PRR7: variants seen among roughly 807,000 people sequenced by gnomAD.
PRR7 encodes the protein proline-rich protein 7.
In PRR7, 8 loss-of-function variants were observed where a neutral mutation model predicts 18.5. The observed-to-expected ratio is 0.43, with a 90% CI of 0.25 to 0.78. The LOEUF (loss-of-function observed/expected upper bound fraction) is 0.78, where lower values mean the gene tolerates loss of function less well. Ranked by LOEUF, PRR7 falls within the 30% of genes least tolerant of loss-of-function variation. The pLI, the probability that PRR7 is intolerant of heterozygous loss-of-function variation, is 0.22. For synonymous variants in PRR7, 221 were observed against 187.7 expected (o/e 1.18, Z -1.45); for missense variants, 396 against 403.1 (o/e 0.98, Z 0.15).
Position 177,454,667 on chromosome 5 carries a change from C to T in PRR7, c.-239-162C>T, listed in dbSNP as rs1237337705. 2.6e-5 allele frequency among the ~76,000 whole-genome samples: 4 copies of T among 151,662 alleles called. No individual in the cohort carries two copies. Among genetic ancestry groups the T allele is most frequent in the Non-Finnish European group, 5.9e-5 (4 of 67,778 alleles). On this transcript the variant is annotated intron_variant, in intron 2 of 3. Transcript: ENST00000323249. The surrounding 1 kb of genome is among the most constrained non-coding windows in gnomAD (Gnocchi z 4.7). ...CGGGGAAACCCTACCGGGGAAACCTCGAGGCGTGACGTCACCCTCCTCGGT... is the reference window on the plus strand; with the variant it reads ...CGGGGAAACCCTACCGGGGAAACCTTGAGGCGTGACGTCACCCTCCTCGGT...
intron 1 of PRR7, 110 bp downstream of exon 1, chr5:177,447,070 C>G (rs1437586469): frequency 6.6e-6 from 1 of 151,594 alleles, no homozygotes; most frequent in East Asian, 2.0e-4. Flanking sequence ...CCCGGGTCGC[C>G]GCCCCGGTCC....
At position 177,456,147 on chromosome 5, in the gene PRR7, AC is replaced by A; in HGVS notation, c.*28del. On this transcript the variant is annotated 3_prime_UTR_variant, in exon 4 of 4. Transcript: ENST00000323249. ...AGGGGCGCCCGGCGCCCCGGGCCCC[AC>A]CGGCGGACTCCTGGCCTGACTGCGG... 1 of 1,384,990 alleles carries A rather than the reference AC, an allele frequency of 7.2e-7. No homozygotes were observed. The highest frequency in any genetic ancestry group is 9.3e-7 in the Non-Finnish European group (1 of 1,072,956). 85.8% of individuals were successfully genotyped at this position (1,384,990 alleles called of 1,614,324 possible). A position where few individuals can be genotyped will look rare whatever the true frequency, so the allele number is the denominator to read the frequency against.
Position 177,456,239 on chromosome 5 carries a change from T to C in PRR7, c.*118T>C. On this transcript the variant is annotated 3_prime_UTR_variant, in exon 4 of 4. Transcript: ENST00000323249. Reference sequence around the variant, plus strand: ...GGGAGGGAGGGATTTCTTATCCCGTTTGTTACATTTTGAGGATAATAAAGG... The same window carrying C: ...GGGAGGGAGGGATTTCTTATCCCGTCTGTTACATTTTGAGGATAATAAAGG... 1 of 1,006,694 alleles carries C rather than the reference T, an allele frequency of 9.9e-7. No individual in the cohort carries two copies. 62.4% of individuals were successfully genotyped at this position (1,006,694 alleles called of 1,614,324 possible). A position where few individuals can be genotyped will look rare whatever the true frequency, so the allele number is the denominator to read the frequency against.
Position 177,455,478 on chromosome 5 carries a change from G to A in PRR7, c.411G>A (p.Trp137Ter). Residue 137 changes from tryptophan (W) to a stop codon, truncating the protein, a stop_gained, in exon 3 of 4, where the codon TGG (tryptophan) becomes TGA (stop). Coordinates refer to ENST00000323249, the MANE Select transcript of PRR7 (RefSeq NM_030567.5). LOFTEE classifies it high-confidence loss of function. The surrounding 1 kb of genome is among the most constrained non-coding windows in gnomAD (Gnocchi z 6.9). ...PTHLSVPPRP[W>*]SYPRQAESDM... ...ACCTGTCGGTGCCGCCACGGCCCTG[G>A]AGCTACCCGCGCCAAGGTGAGTACC... 1 of 1,501,086 alleles carries A rather than the reference G, an allele frequency of 6.7e-7. No individual in the cohort carries two copies. Among genetic ancestry groups the A allele is most frequent in the Non-Finnish European group, 8.8e-7 (1 of 1,134,712 alleles). The allele number at this position is 1,501,086 out of a possible 1,614,324, so 93.0% of individuals were successfully genotyped here.
chr5:177,455,915 G>A lies in PRR7; in HGVS notation c.619G>A (p.Asp207Asn). Reference sequence around the variant, plus strand: ...TCCCAGCTACAAGCCGCTCTTCCTGGACCGGGGCTACACCTCGGCGCTGCA... The same window carrying A: ...TCCCAGCTACAAGCCGCTCTTCCTGAACCGGGGCTACACCTCGGCGCTGCA... ...PPPSYKPLFL[D>N]RGYTSALHLP... The change falls in exon 4 of 4, where the codon GAC becomes AAC. Residue 207 changes from aspartate (D) to asparagine (N), a missense_variant. Coordinates refer to ENST00000323249, the MANE Select transcript of PRR7 (RefSeq NM_030567.5). The surrounding 1 kb of genome is among the most constrained non-coding windows in gnomAD (Gnocchi z 6.9). 1 of 1,608,368 alleles carries A rather than the reference G, an allele frequency of 6.2e-7. No homozygotes were observed. The highest frequency in any genetic ancestry group is 8.5e-7 in the Non-Finnish European group (1 of 1,179,172).
In PRR7 at chr5:177,455,203, C is replaced by T; in HGVS notation, c.136C>T (p.Leu46=). The T allele has an allele frequency of 6.4e-7, 1 of 1,571,936 alleles. No individual in the cohort carries two copies. Residue 46 remains leucine (L), a synonymous_variant, in exon 3 of 4, where the codon CTG becomes TTG. Coordinates refer to ENST00000323249, the MANE Select transcript of PRR7 (RefSeq NM_030567.5). This position sits in a 1 kb window ranked among gnomAD's most constrained non-coding sequence, Gnocchi z 6.9. ...RRLKRRQEER[L]REQNLRALEL... Reference sequence around the variant, plus strand: ...CCTCAAACGGCGCCAGGAGGAGCGACTGCGCGAGCAGAACCTGCGCGCCCT... The same window carrying T: ...CCTCAAACGGCGCCAGGAGGAGCGATTGCGCGAGCAGAACCTGCGCGCCCT...
intron 1 of PRR7, among the ~76,000 whole-genome samples, chr5:177,453,060 C>T (rs1014016865): frequency 5.9e-5 from 9 of 152,234 alleles, no homozygotes; most frequent in African/African-American, 1.9e-4. Flanking sequence ...CCCTTCTGAG[C>T]TGTGTGACCT....
In PRR7 at chr5:177,450,406, C is replaced by T. The variant is rs150555484; in HGVS notation, c.-325+3446C>T. Among the ~76,000 whole-genome samples the T allele has an allele frequency of 6.6e-6, 1 of 152,312 alleles. No homozygotes were observed. The highest frequency in any genetic ancestry group is 1.5e-5 in the Non-Finnish European group (1 of 68,030). The stretch of plus-strand genomic sequence containing the variant: ...TCCACTTGCTTATGAACTGCCCTGC[C>T]AGGCGGGGGCTGGGTGATGGCTCTT... On this transcript the variant is annotated intron_variant, in intron 1 of 3. Transcript: ENST00000323249. This position sits in a 1 kb window ranked among gnomAD's most constrained non-coding sequence, Gnocchi z 6.6.
At chr5:177,452,031 C>T (rs1020475525) in intron 1 of PRR7, among the ~76,000 whole-genome samples, 2 of 152,228 alleles carry the variant, frequency 1.3e-5, no homozygotes, top group African/African-American at 2.4e-5. Context: ...CCCTGCCGTG[C>T]TCCCAGTGAG....
intron 1 of PRR7, 112 bp from the exon 2 acceptor site, chr5:177,453,844 C>T (rs1756268094): frequency 6.6e-6 from 1 of 152,282 alleles, no homozygotes; most frequent in Non-Finnish European, 1.5e-5. Context: ...TCGTTCAAAC[C>T]TGTGTGTATA....
chr5:177,456,082 G>T lies in PRR7; in HGVS notation c.786G>T (p.Pro262=). 4 of 1,567,270 alleles carry T rather than the reference G, an allele frequency of 2.6e-6. No homozygotes were observed. In the South Asian group the frequency reaches 3.5e-5, roughly 14 times the overall value. The change falls in exon 4 of 4, where the codon CCG becomes CCT. Residue 262 remains proline, a synonymous_variant. Coordinates refer to ENST00000323249, the MANE Select transcript of PRR7 (RefSeq NM_030567.5). The stretch of plus-strand genomic sequence containing the variant: ...TGGAGCACGGAGCTTGGCGTCTGCC[G>T]GTCTCCATCCCCTTGTTCGGGAGGA... The part of the protein sequence containing the change: ...EPLEHGAWRL[P]VSIPLFGRTT...
chr5:177,453,574 C>A (rs1756256101), intron 1 of PRR7, among the ~76,000 whole-genome samples: 1 of 152,158 alleles, frequency 6.6e-6, no homozygotes, highest in African/African-American at 2.4e-5. Flanking sequence ...GGCTTCCCCC[C>A]AGCCTGGGGC....
rs1756128034 is a variant in PRR7 at position 177,450,423 on chromosome 5, A to G, written c.-325+3463A>G. 6.6e-6 allele frequency among the ~76,000 whole-genome samples: 1 copy of G among 152,156 alleles called. No individual in the cohort carries two copies. The highest frequency in any genetic ancestry group is 2.4e-5 in the African/African-American group (1 of 41,432). ...TGCCCTGCCAGGCGGGGGCTGGGTG[A>G]TGGCTCTTCTCTGAGTGACGTTTTG... is the stretch of plus-strand genomic sequence containing the variant. On this transcript the variant is annotated intron_variant, in intron 1 of 3. Transcript: ENST00000323249. This position sits in a 1 kb window ranked among gnomAD's most constrained non-coding sequence, Gnocchi z 6.6.
intron 1 of PRR7, among the ~76,000 whole-genome samples, chr5:177,447,924 T>A (rs181972378): frequency 1.3e-5 from 2 of 152,296 alleles, no homozygotes; most frequent in African/African-American, 4.8e-5. Context: ...GCATGCAGGT[T>A]GGCCGGCAGG....
chr5:177,448,139 A>G (rs574118807), intron 1 of PRR7, among the ~76,000 whole-genome samples: 17 of 152,344 alleles, frequency 1.1e-4, no homozygotes, highest in African/African-American at 4.1e-4. Context: ...CTTCAGATCC[A>G]GGATCCCAGC....
chr5:177,455,103 G>C lies in PRR7; in HGVS notation c.36G>C (p.Thr12=), dbSNP rs1430972880. The C allele has an allele frequency of 3.3e-6, 5 of 1,510,110 alleles. No homozygotes were observed. The African/African-American group carries it at 5.8e-5, about 18-fold the overall frequency. 93.5% of individuals were successfully genotyped at this position (1,510,110 alleles called of 1,614,324 possible). A position where few individuals can be genotyped will look rare whatever the true frequency, so the allele number is the denominator to read the frequency against. The part of the protein sequence containing the change: ...VMSQGTYTFL[T]CFAGFWLIWG... ...CCCAGGGCACCTACACGTTCCTCAC[G>C]TGCTTCGCCGGCTTCTGGCTCATCT... The change falls in exon 3 of 4, where the codon ACG becomes ACC. Residue 12 remains threonine (T), a synonymous_variant. Transcript: ENST00000323249. This position sits in a 1 kb window ranked among gnomAD's most constrained non-coding sequence, Gnocchi z 6.9.
In PRR7 at chr5:177,455,337, G is replaced by A. The variant is rs1756359865; in HGVS notation, c.270G>A (p.Ala90=). 2.7e-6 allele frequency: 4 copies of A among 1,488,272 alleles called. 1 individual carries two copies. The South Asian group carries it at 5.1e-5, about 19-fold the overall frequency. 92.2% of individuals were successfully genotyped at this position (1,488,272 alleles called of 1,614,324 possible). ...GCCGCCTGGAGGCGCCGGCTCACGC[G>A]CACTCGCATCCGCACGTGCACGTGC... ...HRSRLEAPAH[A]HSHPHVHVHP... Residue 90 remains alanine (A), a synonymous_variant, in exon 3 of 4, where the codon GCG becomes GCA. Coordinates refer to ENST00000323249, the MANE Select transcript of PRR7 (RefSeq NM_030567.5). The surrounding 1 kb of genome is among the most constrained non-coding windows in gnomAD (Gnocchi z 6.9).
rs1213770935 is a variant in PRR7, at chr5:177,454,729, C to T, written c.-239-100C>T. 6.3e-6 allele frequency: 1 copy of T among 159,136 alleles called. No homozygotes were observed. The highest frequency in any genetic ancestry group is 1.4e-5 in the Non-Finnish European group (1 of 72,800). The allele number at this position is 159,136 out of a possible 1,614,324, so 9.9% of individuals were successfully genotyped here. ...GCCCCCGGGGAGCGCGAGGTTCCCA[C>T]GGAGGAGGCTTTCCCCGGACTGCGC... On this transcript the variant is annotated intron_variant, in intron 2 of 3. Coordinates refer to ENST00000323249, the MANE Select transcript of PRR7 (RefSeq NM_030567.5). The surrounding 1 kb of genome is among the most constrained non-coding windows in gnomAD (Gnocchi z 4.7).
rs1756129093 is a variant in PRR7, at chr5:177,450,468, C to T, written c.-324-3488C>T. ...GTTTTGGTGAATGGCTGACATTTCC[C>T]AGGAATGAATTGGACACAGAGCCAG... is the stretch of plus-strand genomic sequence containing the variant. On this transcript the variant is annotated intron_variant, in intron 1 of 3. Transcript: ENST00000323249. This position sits in a 1 kb window ranked among gnomAD's most constrained non-coding sequence, Gnocchi z 6.6. Among the ~76,000 whole-genome samples the T allele has an allele frequency of 6.6e-6, 1 of 152,196 alleles. No individual in the cohort carries two copies. The highest frequency in any genetic ancestry group is 2.4e-5 in the African/African-American group (1 of 41,444).
Sources: gnomAD v4.1 joint callset for allele counts (sites outside exome capture counted in the v4.1 genomes callset) on GRCh38, gnomAD v4.1.1 for gene constraint, Gnocchi (gnomAD v3.1) non-coding constraint, MANE v1.5 for transcripts, NCBI Gene and HGNC (gene_info 2026-07-23, HGNC 2026-07-21) for gene names.